TNRC6C: variants seen among roughly 807,000 people sequenced by gnomAD.
TNRC6C encodes trinucleotide repeat containing adaptor 6C, also known as trinucleotide repeat-containing gene 6C protein.
A neutral mutation model predicts 153.7 loss-of-function variants in TNRC6C; 20 were observed. That is an observed-to-expected ratio of 0.13 (90% confidence interval 0.09 to 0.19). The LOEUF (loss-of-function observed/expected upper bound fraction) is 0.19. TNRC6C is among the 10% of genes least tolerant of loss of function. The pLI is 1.00. For missense variants in TNRC6C, 1,987 were observed against 2,172.0 expected (o/e 0.91, Z 1.69); for synonymous variants, 811 against 841.4 (o/e 0.96, Z 0.63).
At chr17:77,978,057 A>G (rs1244820028) in intron 1 of TNRC6C, among the ~76,000 whole-genome samples, 1 of 151,754 alleles carries the variant, frequency 6.6e-6, no homozygotes, top group African/African-American at 2.4e-5. Context: ...CACCACGCCC[A>G]GCTAATTTTT....
At position 78,044,002 on chromosome 17, in the gene TNRC6C, G is replaced by C. The variant is rs190674161; in HGVS notation, c.-218-4843G>C. On this transcript the variant is annotated intron_variant, in intron 2 of 19. Coordinates refer to ENST00000301624, the Ensembl canonical transcript of TNRC6C. ...GTTGCTTCCAAATCTTGGTTGTTGT[G>C]AGTAGTGCTGCAGCAAACATCGAAG... is the stretch of plus-strand genomic sequence containing the variant. 3.3e-3 allele frequency among the ~76,000 whole-genome samples: 501 copies of C among 152,262 alleles called. 4 individuals are homozygous for C. Among genetic ancestry groups the C allele is most frequent in the African/African-American group, 0.011 (467 of 41,536 alleles).
chr17:78,095,737 A>G (rs2073474560), intron 16 of TNRC6C, among the ~76,000 whole-genome samples: 1 of 152,162 alleles, frequency 6.6e-6, no homozygotes, highest in African/African-American at 2.4e-5. Flanking sequence ...TTCACGTAGA[A>G]ATTGCTAACC....
At position 78,075,229 on chromosome 17, in the gene TNRC6C, C is replaced by A; in HGVS notation, c.3011C>A (p.Pro1004Gln). 6.2e-7 allele frequency: 1 copy of A among 1,603,348 alleles called. No individual in the cohort carries two copies. The highest frequency in any genetic ancestry group is 1.3e-5 in the African/African-American group (1 of 74,890). Residue 1004 changes from proline (P) to glutamine (Q), a missense_variant, in exon 8 of 20, where the codon CCG becomes CAG. Transcript: ENST00000301624. This position sits in a 1 kb window ranked among gnomAD's most constrained non-coding sequence, Gnocchi z 4.2. Reference sequence around the variant, plus strand: ...GCCGCCAAGCCCCTCGGCTGCCGCCCGCCAATCTCCAAAGAGTCTTCCGTG... The same window carrying A: ...GCCGCCAAGCCCCTCGGCTGCCGCCAGCCAATCTCCAAAGAGTCTTCCGTG...
chr17:78,102,604 C>G, intron 18 of TNRC6C, 60 bp downstream of exon 21: 2 of 1,521,290 alleles, frequency 1.3e-6, no homozygotes, highest in South Asian at 2.4e-5. Flanking sequence ...CGCTTGGCCC[C>G]CAATGCAGAT....
At chr17:78,092,959 G>C in exon 15 of TNRC6C, 1 of 1,613,792 alleles carries the variant, frequency 6.2e-7, no homozygotes, top group Non-Finnish European at 8.5e-7. Context: ...TCTAAGCATT[G>C]GGCCTCCAGG....
intron 13 of TNRC6C, among the ~76,000 whole-genome samples, chr17:78,089,278 A>G (rs2073354309): frequency 6.6e-6 from 1 of 151,790 alleles, no homozygotes; most frequent in East Asian, 1.9e-4. Flanking sequence ...ACTTATCTTT[A>G]CTCTTAAGGA....
At chr17:78,074,426 T>C (rs966442735) in intron 7 of TNRC6C, among the ~76,000 whole-genome samples, 4 of 152,204 alleles carry the variant, frequency 2.6e-5, no homozygotes, top group African/African-American at 9.6e-5. Flanking sequence ...ATAATGAGGA[T>C]AGACTGCAGA....
intron 2 of TNRC6C, among the ~76,000 whole-genome samples, chr17:78,033,265 G>A (rs2090882723): frequency 6.6e-6 from 1 of 152,122 alleles, no homozygotes; most frequent in African/African-American, 2.4e-5. Flanking sequence ...TAGAAAATAA[G>A]CAATTAAGTC....
At chr17:78,023,156 G>A (rs80095363) in intron 1 of TNRC6C, among the ~76,000 whole-genome samples, 4,204 of 152,186 alleles carry the variant, frequency 0.028, 171 homozygotes, top group African/African-American at 0.096. Flanking sequence ...ACAACATAAC[G>A]TATGCGGGAG....
At chr17:78,035,159 G>T (rs562077107) in intron 2 of TNRC6C, among the ~76,000 whole-genome samples, 2 of 152,174 alleles carry the variant, frequency 1.3e-5, no homozygotes, top group East Asian at 3.9e-4. Context: ...CAATGACTTT[G>T]TTTGATTTTG....
intron 1 of TNRC6C, among the ~76,000 whole-genome samples, chr17:78,014,429 G>A (rs1313682298): frequency 6.6e-6 from 1 of 151,880 alleles, no homozygotes; most frequent in Non-Finnish European, 1.5e-5. Flanking sequence ...TGCTCTTAGC[G>A]GCATTTTCTA....
intron 1 of TNRC6C, among the ~76,000 whole-genome samples, chr17:77,967,867 T>C (rs2144047414): frequency 6.6e-6 from 1 of 152,342 alleles, no homozygotes; most frequent in Admixed American, 6.5e-5. Flanking sequence ...GATAGACTTA[T>C]ATCCCGCCCT....
intron 3 of TNRC6C, among the ~76,000 whole-genome samples, chr17:78,052,867 A>G (rs189242548): frequency 1.3e-5 from 2 of 152,280 alleles, no homozygotes; most frequent in East Asian, 1.9e-4. Flanking sequence ...GAGGTCAAAA[A>G]TCAGTGGTCC....
chr17:78,083,270 ATG>A, intron 11 of TNRC6C, 104 bp downstream of exon 13: 1 of 1,480,174 alleles, frequency 6.8e-7, no homozygotes. Context: ...CACGTCAGGG[ATG>A]TCATTGAGAC....
chr17:78,039,679 G>A (rs909975243), intron 2 of TNRC6C, among the ~76,000 whole-genome samples: 1 of 152,276 alleles, frequency 6.6e-6, no homozygotes. Context: ...GCCATCCCTC[G>A]TGGGAAACAC....
chr17:77,961,590 TG>T lies in TNRC6C; in HGVS notation c.-38+2324del, dbSNP rs1444488083. On this transcript the variant is annotated intron_variant, in intron 1 of 22. Transcript: ENST00000636222. ...AGTAACCTGGAGTATATGTAAGTGT[TG>T]GTTTTAGATTTTCGTCCTTCGTGTT... Among the ~76,000 whole-genome samples the T allele has an allele frequency of 5.3e-5, 8 of 152,344 alleles. No homozygotes were observed. The East Asian group carries it at 1.3e-3, about 26-fold the overall frequency.
chr17:78,017,897 C>CT (rs1326063429), intron 1 of TNRC6C, among the ~76,000 whole-genome samples: 2 of 152,224 alleles, frequency 1.3e-5, no homozygotes, highest in Non-Finnish European at 2.9e-5. Context: ...CTCGCTAACC[C>CT]TGACATACTT....
intron 7 of TNRC6C, among the ~76,000 whole-genome samples, chr17:78,073,365 C>T (rs926909525): frequency 6.6e-6 from 1 of 152,182 alleles, no homozygotes; most frequent in East Asian, 1.9e-4. Flanking sequence ...GTAATAATGA[C>T]ACTCTGAGAG....
intron 1 of TNRC6C, among the ~76,000 whole-genome samples, chr17:77,959,594 C>A (rs184746827): frequency 6.6e-6 from 1 of 152,160 alleles, no homozygotes; most frequent in Admixed American, 6.5e-5. Context: ...TCCGGGCAGC[C>A]CCCCGCAGAT....
Sources: allele counts gnomAD v4.1 joint callset (sites outside exome capture counted in the v4.1 genomes callset), GRCh38; gene constraint gnomAD v4.1.1; non-coding constraint Gnocchi (gnomAD v3.1); transcripts MANE v1.5; gene names NCBI Gene and HGNC (gene_info 2026-07-23, HGNC 2026-07-21).